Variants in TLR5 observed in about 807,000 individuals in gnomAD.
TLR5 encodes toll-like receptor 5.
For missense variants in TLR5, 944 were observed against 999.8 expected (o/e 0.94, Z 0.75); for synonymous variants, 373 against 384.4 (o/e 0.97, Z 0.35).
chr1:223,138,199 A>C (rs1215724041), intron 2 of TLR5, among the ~76,000 whole-genome samples: 1 of 146,712 alleles, frequency 6.8e-6, no homozygotes, highest in African/African-American at 2.5e-5. Flanking sequence ...TTGGTTTCAA[A>C]CAATCCTCCT....
rs1656356719 is a variant in TLR5 at position 223,111,819 on chromosome 1, T to C, written c.1213A>G (p.Ile405Val). The change falls in exon 6 of 6, where the codon ATA becomes GTA. Residue 405 changes from isoleucine to valine, a missense_variant. Coordinates refer to ENST00000642603, the MANE Select transcript of TLR5 (RefSeq NM_003268.6). The stretch of plus-strand genomic sequence containing the variant: ...TTGCCACTCAAGAAGATATCGGGTA[T>C]GCTTGGAATAAAATGAATGGTTGTA... ...ALTTIHFIPS[I>V]PDIFLSGNKL... 6.2e-7 allele frequency: 1 copy of C among 1,614,118 alleles called. No homozygotes were observed. Among genetic ancestry groups the C allele is most frequent in the Non-Finnish European group, 8.5e-7 (1 of 1,179,986 alleles).
intron 5 of TLR5, among the ~76,000 whole-genome samples, chr1:223,115,618 C>T (rs1248418249): frequency 1.4e-5 from 2 of 145,678 alleles, no homozygotes; most frequent in Non-Finnish European, 3.0e-5. Context: ...CCTCATGGAG[C>T]TTACATTCTG....
chr1:223,139,249 A>G (rs1477795924), intron 2 of TLR5, among the ~76,000 whole-genome samples: 1 of 152,070 alleles, frequency 6.6e-6, no homozygotes, highest in Middle Eastern at 3.2e-3. Flanking sequence ...TATTTTTATC[A>G]CTCTGGTTCA....
intron 1 of TLR5, among the ~76,000 whole-genome samples, chr1:223,142,619 CTT>C (rs796419907): frequency 6.6e-6 from 1 of 152,052 alleles, no homozygotes; most frequent in African/African-American, 2.4e-5. Context: ...CACAGGCAGG[CTT>C]TTTTTTCCCC....
intron 5 of TLR5, among the ~76,000 whole-genome samples, chr1:223,117,279 C>T (rs947259011): frequency 2.0e-5 from 3 of 152,076 alleles, no homozygotes; most frequent in African/African-American, 7.2e-5. Flanking sequence ...TCGCGCTGGC[C>T]CGTGAGCACC....
At chr1:223,128,498 C>A (rs1301877612) in intron 5 of TLR5, 1 of 152,270 alleles carries the variant, frequency 6.6e-6, no homozygotes, top group East Asian at 1.9e-4. Context: ...TGGAGGTCCA[C>A]CTTACCCCCA....
chr1:223,140,413 G>C (rs994233747), intron 2 of TLR5, among the ~76,000 whole-genome samples: 8 of 152,094 alleles, frequency 5.3e-5, no homozygotes. Context: ...TGAGCATGGT[G>C]GTACGTGACT....
intron 5 of TLR5, among the ~76,000 whole-genome samples, chr1:223,130,677 C>G (rs1657364749): frequency 6.6e-6 from 1 of 152,194 alleles, no homozygotes; most frequent in African/African-American, 2.4e-5. Flanking sequence ...TGAGAGTGAG[C>G]TTGTTGCTTC....
intron 5 of TLR5, among the ~76,000 whole-genome samples, chr1:223,124,852 C>G (rs1288115501): frequency 6.6e-6 from 1 of 152,168 alleles, no homozygotes; most frequent in Non-Finnish European, 1.5e-5. Context: ...GATCCACCTG[C>G]CTCAGCCTTC....
chr1:223,111,489 T>G lies in TLR5; in HGVS notation c.1543A>C (p.Asn515His). The change falls in exon 6 of 6, where the codon AAT (asparagine) becomes CAT (histidine). Residue 515 changes from asparagine to histidine, a missense_variant. Asn to His is a moderately conservative substitution (Grantham distance 68, BLOSUM62 1). Transcript: ENST00000642603. ...CTAAATACTCCTGGTGGAAGGGAAT[T>G]AAGATAGTTATGATTCAAATACAGA... Reference protein sequence around the residue: ...QVLYLNHNYLNSLPPGVFSHL... With the variant: ...QVLYLNHNYLHSLPPGVFSHL... The G allele has an allele frequency of 6.2e-7, 1 of 1,614,114 alleles. No individual in the cohort carries two copies. Among genetic ancestry groups the G allele is most frequent in the Non-Finnish European group, 8.5e-7 (1 of 1,180,034 alleles).
chr1:223,113,843 A>G (rs1656494920), intron 5 of TLR5, among the ~76,000 whole-genome samples: 1 of 152,174 alleles, frequency 6.6e-6, no homozygotes, highest in Non-Finnish European at 1.5e-5. Context: ...GGAGGTGGAG[A>G]AAACAGCAGG....
intron 2 of TLR5, among the ~76,000 whole-genome samples, chr1:223,141,227 C>T (rs1196255757): frequency 2.0e-5 from 3 of 152,166 alleles, no homozygotes; most frequent in Admixed American, 1.3e-4. Context: ...TCCTGATGCA[C>T]GGGAATGAAC....
intron 5 of TLR5, among the ~76,000 whole-genome samples, chr1:223,124,344 G>A (rs1657073857): frequency 6.6e-6 from 1 of 151,542 alleles, no homozygotes; most frequent in African/African-American, 2.4e-5. Flanking sequence ...TTGGGAGGCT[G>A]AAGCAGGAGA....
chr1:223,119,983 A>AAAATAAAATAAAAT, intron 5 of TLR5, among the ~76,000 whole-genome samples: 1 of 63,128 alleles, frequency 1.6e-5, no homozygotes, highest in African/African-American at 9.7e-5. Context: ...TAAAATAAAT[A>AAAATAAAATAAAAT]AAATAAAATA....
At position 223,112,168 on chromosome 1, in the gene TLR5, A is replaced by T; in HGVS notation, c.864T>A (p.Ser288Arg). 1.2e-6 allele frequency: 2 copies of T among 1,614,094 alleles called. No homozygotes were observed. Among genetic ancestry groups the T allele is most frequent in the Non-Finnish European group, 1.7e-6 (2 of 1,179,942 alleles). The change falls in exon 6 of 6, where the codon AGT (serine) becomes AGA (arginine). Residue 288 changes from serine (S) to arginine (R), a missense_variant. Physicochemically the swap from Ser to Arg is moderately radical, Grantham distance 110. Coordinates refer to ENST00000642603, the MANE Select transcript of TLR5 (RefSeq NM_003268.6). ...GTGAAAGATCCAGGTGTCTCACTGA[A>T]CTTCTGGCCAGGCCAGCAAATGTGT... is the stretch of plus-strand genomic sequence containing the variant. ...DQNTFAGLAR[S>R]SVRHLDLSHG...
At chr1:223,140,744 G>A (rs1444733519) in intron 2 of TLR5, among the ~76,000 whole-genome samples, 1 of 152,152 alleles carries the variant, frequency 6.6e-6, no homozygotes. Flanking sequence ...AGCCCTTGAT[G>A]GTCATTCTTA....
At chr1:223,124,551 T>C (rs547371289) in intron 5 of TLR5, among the ~76,000 whole-genome samples, 12 of 152,302 alleles carry the variant, frequency 7.9e-5, no homozygotes, top group Non-Finnish European at 1.2e-4. Flanking sequence ...GCACTTGACT[T>C]TGAAAATGAC....
At chr1:223,116,191 G>T (rs2102878339) in intron 5 of TLR5, among the ~76,000 whole-genome samples, 1 of 152,260 alleles carries the variant, frequency 6.6e-6, no homozygotes, top group East Asian at 1.9e-4. Context: ...TGGGTTCCTG[G>T]TCTCACTGAC....
Position 223,112,737 on chromosome 1 carries a change from T to G in TLR5, c.295A>C (p.Ile99Leu). Residue 99 changes from isoleucine (I) to leucine (L), a missense_variant, in exon 6 of 6, where the codon ATC becomes CTC. Physicochemically the swap from Ile to Leu is conservative, Grantham distance 5. Coordinates refer to ENST00000642603, the MANE Select transcript of TLR5 (RefSeq NM_003268.6). ...ATCTTACTACTTCCCAGGTCCAAGA[T>G]TCTAAGGTTGGGCAGGTTTCTGAAG... ...EAFRNLPNLR[I>L]LDLGSSKIYF... The G allele has an allele frequency of 6.2e-7, 1 of 1,614,138 alleles. No individual in the cohort carries two copies. The highest frequency in any genetic ancestry group is 8.5e-7 in the Non-Finnish European group (1 of 1,180,024).
Sources: gnomAD v4.1 joint callset for allele counts (sites outside exome capture counted in the v4.1 genomes callset) on GRCh38, gnomAD v4.1.1 for gene constraint, MANE v1.5 for transcripts, NCBI Gene and HGNC (gene_info 2026-07-23, HGNC 2026-07-21) for gene names.